The following FAM13A variants were observed in gnomAD, a reference collection of about 807,000 sequenced individuals.
FAM13A encodes family with sequence similarity 13 member A, also known as protein FAM13A.
In FAM13A, 76 loss-of-function variants were observed where a neutral mutation model predicts 129.6. The observed-to-expected ratio is 0.59, with a 90% CI of 0.49 to 0.71. The LOEUF is 0.71. FAM13A is among the 30% of genes least tolerant of loss of function. FAM13A has a pLI of 0.00. For missense variants in FAM13A, 1,108 were observed against 1,249.3 expected, an observed-to-expected ratio of 0.89 and a Z score of 1.70; for synonymous variants, 443 against 449.9, an observed-to-expected ratio of 0.98 and a Z score of 0.20.
At chr4:89,034,858 G>T (rs1447732521) in intron 1 of FAM13A, among the ~76,000 whole-genome samples, 2 of 152,142 alleles carry the variant, frequency 1.3e-5, no homozygotes, top group Non-Finnish European at 2.9e-5. Flanking sequence ...CTCCAGCCTG[G>T]GTGACAGAGT....
chr4:88,777,146 G>T (rs1721905330), intron 11 of FAM13A, among the ~76,000 whole-genome samples: 2 of 152,218 alleles, frequency 1.3e-5, no homozygotes, highest in South Asian at 4.1e-4. Flanking sequence ...CTAGGCCAGT[G>T]GAGATGAGCC....
chr4:89,034,316 T>C (rs375527174), intron 1 of FAM13A, among the ~76,000 whole-genome samples: 1 of 151,956 alleles, frequency 6.6e-6, no homozygotes, highest in East Asian at 1.9e-4. Flanking sequence ...CCAACAAACA[T>C]GAAAAGATGC....
chr4:88,946,590 T>C (rs1439740572), intron 4 of FAM13A, among the ~76,000 whole-genome samples: 1 of 152,060 alleles, frequency 6.6e-6, no homozygotes, highest in Non-Finnish European at 1.5e-5. Context: ...TGCTGACACT[T>C]CTTGCTGCAT....
Position 89,057,061 on chromosome 4 carries a change from T to C in FAM13A, c.-97A>G. The C allele has an allele frequency of 1.3e-6, 2 of 1,574,838 alleles. No homozygotes were observed. The highest frequency in any genetic ancestry group is 1.4e-5 in the African/African-American group (1 of 73,324). Reference sequence around the variant, plus strand: ...ATTCCATTCAGCACATATTCTTTGATGTGAAAAACAGCTCCCAATGCAAAG... The same window carrying C: ...ATTCCATTCAGCACATATTCTTTGACGTGAAAAACAGCTCCCAATGCAAAG... On this transcript the variant is annotated 5_prime_UTR_variant, in exon 1 of 24. Transcript: ENST00000264344.
chr4:88,959,653 T>A (rs567460915), intron 4 of FAM13A, among the ~76,000 whole-genome samples: 1 of 152,222 alleles, frequency 6.6e-6, no homozygotes, highest in African/African-American at 2.4e-5. Context: ...CTTCACAAAA[T>A]ACTCAGTCTC....
At chr4:89,020,281 T>C (rs532095556) in intron 3 of FAM13A, among the ~76,000 whole-genome samples, 179 bp downstream of exon 3, 6,616 of 39,094 alleles carry the variant, frequency 0.17, 260 homozygotes, top group South Asian at 0.44. Context: ...TTTTCTGCCC[T>C]TTTTTTTTTT....
intron 7 of FAM13A, among the ~76,000 whole-genome samples, chr4:88,835,964 C>T (rs1314056162): frequency 6.6e-6 from 1 of 152,082 alleles, no homozygotes; most frequent in Non-Finnish European, 1.5e-5. Flanking sequence ...ATTAACACTT[C>T]CTCCTTGAAG....
intron 5 of FAM13A, among the ~76,000 whole-genome samples, chr4:88,932,882 T>C (rs2148789379): frequency 6.6e-6 from 1 of 152,278 alleles, no homozygotes; most frequent in Non-Finnish European, 1.5e-5. Flanking sequence ...AGAGTTTGCT[T>C]AAAAGTCATA....
chr4:88,930,588 G>C (rs533161889), intron 5 of FAM13A, among the ~76,000 whole-genome samples: 1 of 152,266 alleles, frequency 6.6e-6, no homozygotes, highest in African/African-American at 2.4e-5. Flanking sequence ...AATGGATTAA[G>C]TGTCCCTGTT....
chr4:88,771,733 A>C (rs911494254), intron 11 of FAM13A, among the ~76,000 whole-genome samples: 1 of 152,212 alleles, frequency 6.6e-6, no homozygotes, highest in Non-Finnish European at 1.5e-5. Context: ...TATTGCAATT[A>C]TTTCCAACCA....
Position 89,011,994 on chromosome 4 carries a change from T to TA in FAM13A, c.427+8465dup, listed in dbSNP as rs1024309950. ...TACTCAGTATCTATTTAGAAGTTAC[T>TA]AAAAAAAATACTGATGGATGATCTA... On this transcript the variant is annotated intron_variant, in intron 3 of 23. Transcript: ENST00000264344. Among the ~76,000 whole-genome samples the TA allele has an allele frequency of 9.9e-5, 15 of 151,952 alleles. No homozygotes were observed. In the East Asian group the frequency reaches 1.7e-3, roughly 18 times the overall value.
chr4:88,926,158 AT>A (rs1752118885), intron 5 of FAM13A, among the ~76,000 whole-genome samples: 1 of 152,058 alleles, frequency 6.6e-6, no homozygotes, highest in African/African-American at 2.4e-5. Flanking sequence ...CCCCAGAATA[AT>A]TCCAATCGAG....
At chr4:89,029,272 T>C (rs1289947398) in intron 2 of FAM13A, among the ~76,000 whole-genome samples, 188 bp downstream of exon 2, 3 of 152,232 alleles carry the variant, frequency 2.0e-5, no homozygotes, top group African/African-American at 7.2e-5. Context: ...ATCAAATTAG[T>C]ACTGTCAAGA....
Position 88,753,620 on chromosome 4 carries a change from T to C in FAM13A, c.1727-2983A>G, listed in dbSNP as rs77315048. ...ATCTATGCAACACAAAATGCTTACC[T>C]GATTCTCTCCTTTTTCTCTCTTTTC... On this transcript the variant is annotated intron_variant, in intron 14 of 23. Transcript: ENST00000264344. 5,793 of 931,402 alleles carry C rather than the reference T, an allele frequency of 6.2e-3. 259 individuals are homozygous for C. The African/African-American group carries it at 0.095, about 15-fold the overall frequency. The allele number at this position is 931,402 out of a possible 1,614,324, so 57.7% of individuals were successfully genotyped here.
At chr4:88,749,257 A>G (rs1742034860) in intron 16 of FAM13A, among the ~76,000 whole-genome samples, 2 of 152,222 alleles carry the variant, frequency 1.3e-5, no homozygotes, top group African/African-American at 2.4e-5. Context: ...GGCAAAATGC[A>G]TCTTTATGAT....
At chr4:88,958,279 C>G (rs375573218) in intron 4 of FAM13A, among the ~76,000 whole-genome samples, 7 of 152,342 alleles carry the variant, frequency 4.6e-5, no homozygotes, top group African/African-American at 1.7e-4. Context: ...TGGGCCATGT[C>G]CAGGGCCCTG....
At chr4:88,974,406 T>C (rs1322202762) in intron 4 of FAM13A, among the ~76,000 whole-genome samples, 1 of 152,228 alleles carries the variant, frequency 6.6e-6, no homozygotes, top group East Asian at 1.9e-4. Flanking sequence ...TTTTACTTGT[T>C]GTTAGGAACG....
At chr4:88,860,290 G>T (rs1043376185) in intron 6 of FAM13A, among the ~76,000 whole-genome samples, 1 of 152,198 alleles carries the variant, frequency 6.6e-6, no homozygotes, top group Admixed American at 6.5e-5. Flanking sequence ...AAGCAGCCCA[G>T]ATTTCTCCCA....
chr4:88,991,193 A>G (rs1236685796), intron 3 of FAM13A, 43 bp from the exon 4 acceptor site: 2 of 1,478,852 alleles, frequency 1.4e-6, no homozygotes, highest in Non-Finnish European at 1.9e-6. Flanking sequence ...TATATTTCAC[A>G]GTAACAACAA....
Sources: allele counts gnomAD v4.1 joint callset (sites outside exome capture counted in the v4.1 genomes callset), GRCh38; gene constraint gnomAD v4.1.1; transcripts MANE v1.5; gene names NCBI Gene and HGNC (gene_info 2026-07-23, HGNC 2026-07-21).